ST6GALNAC5: variants seen among roughly 807,000 people sequenced by gnomAD.
ST6GALNAC5 encodes the protein alpha-N-acetylgalactosaminide alpha-2,6-sialyltransferase 5.
Under a neutral mutation model 33.6 loss-of-function variants are expected in ST6GALNAC5, and 27 were observed. The ratio of observed to expected loss-of-function variants is 0.80; its 90% CI spans 0.59 to 1.11. The LOEUF is 1.11. ST6GALNAC5 is among the 50% of genes least tolerant of loss of function. The pLI is 0.00. For missense variants in ST6GALNAC5, 428 were observed against 454.0 expected, an observed-to-expected ratio of 0.94 and a Z score of 0.52; for synonymous variants, 194 against 171.2, an observed-to-expected ratio of 1.13 and a Z score of -1.04.
chr1:76,891,798 A>G (rs1570643692), intron 2 of ST6GALNAC5, among the ~76,000 whole-genome samples: 1 of 152,290 alleles, frequency 6.6e-6, no homozygotes, highest in East Asian at 1.9e-4. Flanking sequence ...TGGCATGTAG[A>G]TATCCAGTTG....
At chr1:77,018,075 T>C (rs1419650557) in intron 2 of ST6GALNAC5, among the ~76,000 whole-genome samples, 1 of 152,186 alleles carries the variant, frequency 6.6e-6, no homozygotes. Flanking sequence ...AGTTTATGTT[T>C]CATTCTGAAT....
intron 2 of ST6GALNAC5, among the ~76,000 whole-genome samples, chr1:77,032,168 A>G (rs1002794658): frequency 8.5e-5 from 13 of 152,172 alleles, no homozygotes; most frequent in African/African-American, 3.1e-4. Context: ...AAGACCTGAG[A>G]CCAGACTTTA....
intron 2 of ST6GALNAC5, among the ~76,000 whole-genome samples, chr1:77,029,211 T>C (rs1284546277): frequency 6.6e-6 from 1 of 152,046 alleles, no homozygotes; most frequent in African/African-American, 2.4e-5. Flanking sequence ...CTTAGTACAA[T>C]AAGTGGAAAA....
At chr1:76,982,599 A>T (rs1165228087) in intron 2 of ST6GALNAC5, among the ~76,000 whole-genome samples, 1 of 152,244 alleles carries the variant, frequency 6.6e-6, no homozygotes, top group Admixed American at 6.5e-5. Flanking sequence ...TCAGGATATT[A>T]TCCAGGAGAA....
chr1:76,945,185 G>A (rs917878142), intron 2 of ST6GALNAC5, among the ~76,000 whole-genome samples: 1 of 152,022 alleles, frequency 6.6e-6, no homozygotes. Context: ...TAGAGGACTT[G>A]GGGTTAAGGC....
At chr1:76,939,082 G>A (rs1364744078) in intron 2 of ST6GALNAC5, among the ~76,000 whole-genome samples, 7 of 151,998 alleles carry the variant, frequency 4.6e-5, no homozygotes, top group Non-Finnish European at 7.4e-5. Context: ...TGCAGTCTGG[G>A]TGGTTATGGC....
At chr1:76,883,724 C>T (rs1653834948) in intron 2 of ST6GALNAC5, among the ~76,000 whole-genome samples, 1 of 152,142 alleles carries the variant, frequency 6.6e-6, no homozygotes, top group South Asian at 2.1e-4. Flanking sequence ...TAGGCTTGAT[C>T]CAGTTTATAG....
intron 2 of ST6GALNAC5, among the ~76,000 whole-genome samples, chr1:76,993,411 T>A (rs1484397746): frequency 6.6e-6 from 1 of 152,208 alleles, no homozygotes; most frequent in Non-Finnish European, 1.5e-5. Flanking sequence ...AGCCTACATT[T>A]ATGGAGCATT....
At chr1:76,945,715 G>T (rs991402614) in intron 2 of ST6GALNAC5, among the ~76,000 whole-genome samples, 4 of 152,238 alleles carry the variant, frequency 2.6e-5, no homozygotes, top group African/African-American at 9.6e-5. Context: ...TAATTAGCAA[G>T]TTTCCCTCCG....
chr1:76,883,206 C>A (rs1653822519), intron 2 of ST6GALNAC5, among the ~76,000 whole-genome samples: 1 of 152,180 alleles, frequency 6.6e-6, no homozygotes, highest in African/African-American at 2.4e-5. Flanking sequence ...AATTACTATA[C>A]CTTGGTAAGT....
At chr1:77,029,210 A>G (rs949933016) in intron 2 of ST6GALNAC5, among the ~76,000 whole-genome samples, 1 of 152,202 alleles carries the variant, frequency 6.6e-6, no homozygotes, top group Admixed American at 6.5e-5. Flanking sequence ...ACTTAGTACA[A>G]TAAGTGGAAA....
At chr1:77,019,782 C>CA (rs756947481) in intron 2 of ST6GALNAC5, among the ~76,000 whole-genome samples, 65 of 152,206 alleles carry the variant, frequency 4.3e-4, no homozygotes, top group Non-Finnish European at 7.8e-4. Context: ...CACTCTGGCA[C>CA]ATGTCTTCAA....
At chr1:76,991,043 C>T (rs1354853858) in intron 2 of ST6GALNAC5, among the ~76,000 whole-genome samples, 2 of 152,108 alleles carry the variant, frequency 1.3e-5, no homozygotes, top group African/African-American at 4.8e-5. Context: ...CTCTGTGTCA[C>T]CTTCTCAGCT....
chr1:76,911,016 A>C (rs544077103), intron 2 of ST6GALNAC5, among the ~76,000 whole-genome samples: 1 of 152,114 alleles, frequency 6.6e-6, no homozygotes, highest in Non-Finnish European at 1.5e-5. Flanking sequence ...ATCTACATTC[A>C]GCTCTTAAAA....
At chr1:76,958,460 T>C (rs534283060) in intron 2 of ST6GALNAC5, among the ~76,000 whole-genome samples, 14 of 152,196 alleles carry the variant, frequency 9.2e-5, no homozygotes, top group Non-Finnish European at 1.8e-4. Context: ...GGGGATGTCA[T>C]CACTGTTTCA....
At chr1:76,906,757 A>G (rs1026711043) in intron 2 of ST6GALNAC5, among the ~76,000 whole-genome samples, 2 of 152,054 alleles carry the variant, frequency 1.3e-5, no homozygotes, top group African/African-American at 2.4e-5. Context: ...CTATATCTCA[A>G]CTCCGGGTCT....
intron 2 of ST6GALNAC5, among the ~76,000 whole-genome samples, chr1:76,991,283 C>T (rs1048331685): frequency 2.4e-4 from 37 of 152,106 alleles, no homozygotes; most frequent in African/African-American, 7.7e-4. Flanking sequence ...TGTTGGCTTG[C>T]GGAAAGCAAA....
At chr1:77,059,348 C>T (rs7530813) in intron 4 of ST6GALNAC5, among the ~76,000 whole-genome samples, 4 of 152,160 alleles carry the variant, frequency 2.6e-5, no homozygotes, top group South Asian at 2.1e-4. Flanking sequence ...AATCCATGGC[C>T]GTTCCTCAGG....
At chr1:76,970,731 G>A (rs1391434411) in intron 2 of ST6GALNAC5, among the ~76,000 whole-genome samples, 3 of 152,162 alleles carry the variant, frequency 2.0e-5, no homozygotes, top group Admixed American at 1.3e-4. Flanking sequence ...TCCTCGAGAA[G>A]AGCAATCCCA....
Sources: gnomAD v4.1 joint callset for allele counts (sites outside exome capture counted in the v4.1 genomes callset) on GRCh38, gnomAD v4.1.1 for gene constraint, MANE v1.5 for transcripts, NCBI Gene and HGNC (gene_info 2026-07-23, HGNC 2026-07-21) for gene names.